SIPA1L3: variants seen among roughly 807,000 people sequenced by gnomAD.
SIPA1L3 encodes signal-induced proliferation-associated 1-like protein 3.
SIPA1L3 carries 59 observed loss-of-function variants against 150.1 expected under a neutral mutation model. That is an observed-to-expected ratio of 0.39 (90% confidence interval 0.32 to 0.49). The LOEUF (loss-of-function observed/expected upper bound fraction) is 0.49, where lower values mean the gene tolerates loss of function less well. Among genes scored for constraint, SIPA1L3 ranks in the 20% least tolerant of loss-of-function variants. The pLI, the probability that SIPA1L3 is intolerant of heterozygous loss-of-function variation, is 0.86. For synonymous variants in SIPA1L3, 1,070 were observed against 1,077.6 expected, an observed-to-expected ratio of 0.99 and a Z score of 0.14; for missense variants, 2,211 against 2,489.5, an observed-to-expected ratio of 0.89 and a Z score of 2.38.
intron 2 of SIPA1L3, among the ~76,000 whole-genome samples, chr19:38,040,719 T>C (rs1968898431): frequency 6.6e-6 from 1 of 152,234 alleles, no homozygotes; most frequent in African/African-American, 2.4e-5. Flanking sequence ...TCAACTGAAG[T>C]ATTTTGTTTA....
chr19:38,100,867 G>T lies in SIPA1L3; in HGVS notation c.1855-185G>T, dbSNP rs3810356. The stretch of plus-strand genomic sequence containing the variant: ...TTGTGCTTCTCTGGAGTGGAAGGGA[G>T]GGGGAGGGACAACTGGGACATGCTG... On this transcript the variant is annotated intron_variant, in intron 5 of 21. Transcript: ENST00000222345. Among the ~76,000 whole-genome samples the T allele has an allele frequency of 0.15, 23,334 of 152,210 alleles. 1,883 individuals carry two copies. Among genetic ancestry groups the T allele is most frequent in the African/African-American group, 0.19 (8,033 of 41,540 alleles).
chr19:38,023,878 C>T (rs1968437133), intron 1 of SIPA1L3, among the ~76,000 whole-genome samples: 1 of 152,230 alleles, frequency 6.6e-6, no homozygotes, highest in South Asian at 2.1e-4. Context: ...AGAGAACCTC[C>T]TGCCGTCTTG....
chr19:38,124,328 C>T (rs939305421), intron 9 of SIPA1L3, among the ~76,000 whole-genome samples: 9 of 123,188 alleles, frequency 7.3e-5, no homozygotes, highest in South Asian at 2.8e-4. Context: ...CAGACGGGGT[C>T]GCGGCCAGGC....
chr19:37,997,564 T>C (rs1460881614), intron 1 of SIPA1L3, among the ~76,000 whole-genome samples: 1 of 52,550 alleles, frequency 1.9e-5, no homozygotes, highest in Non-Finnish European at 3.2e-5. Flanking sequence ...TGAGACTGTC[T>C]CATTAAAAAA....
At chr19:38,039,109 C>T (rs1170626897) in intron 2 of SIPA1L3, among the ~76,000 whole-genome samples, 1 of 152,070 alleles carries the variant, frequency 6.6e-6, no homozygotes, top group Non-Finnish European at 1.5e-5. Flanking sequence ...TCTCGAACTC[C>T]TGAGCTCAGA....
At chr19:38,065,151 C>CA (rs562597445) in intron 2 of SIPA1L3, among the ~76,000 whole-genome samples, 98 of 152,336 alleles carry the variant, frequency 6.4e-4, no homozygotes, top group African/African-American at 2.2e-3. Context: ...GGGGTGATTA[C>CA]AGCCTCTATT....
At chr19:37,983,406 G>T (rs1967250041) in intron 1 of SIPA1L3, among the ~76,000 whole-genome samples, 1 of 152,206 alleles carries the variant, frequency 6.6e-6, no homozygotes. Flanking sequence ...CCACGGAGCA[G>T]TTGTGAAGGT....
chr19:37,939,622 T>C (rs1421676), intron 1 of SIPA1L3, among the ~76,000 whole-genome samples: 102,308 of 152,002 alleles, frequency 0.67, 35,948 homozygotes, highest in African/African-American at 0.87. Context: ...GCCCAAGCTC[T>C]AGCCATTACG....
intron 1 of SIPA1L3, among the ~76,000 whole-genome samples, chr19:37,929,161 G>A (rs1288074617): frequency 6.6e-6 from 1 of 152,196 alleles, no homozygotes; most frequent in Admixed American, 6.5e-5. Context: ...CCAGCCAAGG[G>A]CCAATTAGGA....
At chr19:37,979,506 G>C (rs1568487178) in intron 1 of SIPA1L3, among the ~76,000 whole-genome samples, 1 of 151,454 alleles carries the variant, frequency 6.6e-6, no homozygotes, top group South Asian at 2.1e-4. Flanking sequence ...GCAGTGAGCC[G>C]AGATCGTGCC....
intron 6 of SIPA1L3, among the ~76,000 whole-genome samples, chr19:38,102,026 AT>A (rs1298938713): frequency 2.0e-5 from 3 of 147,348 alleles, no homozygotes; most frequent in Non-Finnish European, 4.5e-5. Context: ...TTACATAACA[AT>A]TTTTTTCTTT....
intron 13 of SIPA1L3, among the ~76,000 whole-genome samples, chr19:38,161,063 G>T (rs1972072805): frequency 6.6e-6 from 1 of 152,122 alleles, no homozygotes; most frequent in Non-Finnish European, 1.5e-5. Flanking sequence ...AAAGTTGTGG[G>T]CCGGGCACGG....
chr19:38,076,819 C>A (rs905171317), intron 2 of SIPA1L3, among the ~76,000 whole-genome samples: 2 of 152,206 alleles, frequency 1.3e-5, no homozygotes, highest in African/African-American at 4.8e-5. Context: ...AAAGGAAATT[C>A]ATGAAGCTGT....
At position 38,193,630 on chromosome 19, in the gene SIPA1L3, G is replaced by A; in HGVS notation, c.4690G>A (p.Glu1564Lys). The change falls in exon 18 of 22, where the codon GAG becomes AAG. Residue 1564 changes from glutamate (E) to lysine (K), a missense_variant. This residue lies in a region of SIPA1L3 where 806 missense variants were observed against 870.1 expected (regional missense o/e 0.93). Coordinates refer to ENST00000222345, the MANE Select transcript of SIPA1L3 (RefSeq NM_015073.3). ...CAGCTTCGCCAGCCCCGCTGGCCTA[G>A]AGCCAGGGCTGCCCAGCGACGTGCT... ...EPSFASPAGL[E>K]PGLPSDVLFT... The A allele has an allele frequency of 6.3e-7, 1 of 1,577,544 alleles. No individual in the cohort carries two copies. The highest frequency in any genetic ancestry group is 1.4e-5 in the African/African-American group (1 of 73,372).
intron 1 of SIPA1L3, among the ~76,000 whole-genome samples, chr19:37,926,690 T>C (rs1460298913): frequency 6.6e-6 from 1 of 152,128 alleles, no homozygotes; most frequent in African/African-American, 2.4e-5. Context: ...GCCTCGGTCC[T>C]GTGGGAGCGG....
At chr19:38,093,301 G>A (rs1970302129) in intron 4 of SIPA1L3, among the ~76,000 whole-genome samples, 1 of 152,190 alleles carries the variant, frequency 6.6e-6, no homozygotes, top group Non-Finnish European at 1.5e-5. Flanking sequence ...CCAGTGCAGA[G>A]GTCCTGAGGC....
chr19:38,173,276 C>G (rs1972368170), intron 15 of SIPA1L3, among the ~76,000 whole-genome samples: 1 of 152,248 alleles, frequency 6.6e-6, no homozygotes. Context: ...CCTCCCTTCC[C>G]CGGGCTGCGG....
chr19:38,191,706 A>G (rs1318955524), intron 16 of SIPA1L3, among the ~76,000 whole-genome samples: 2 of 144,806 alleles, frequency 1.4e-5, no homozygotes, highest in Non-Finnish European at 3.0e-5. Context: ...TTGCTACTCC[A>G]GAGGCTGAGG....
At chr19:37,955,402 A>G (rs2046801721) in intron 1 of SIPA1L3, among the ~76,000 whole-genome samples, 1 of 151,940 alleles carries the variant, frequency 6.6e-6, no homozygotes, top group Non-Finnish European at 1.5e-5. Context: ...AAAAAAAAAA[A>G]AAAAGAGTAT....
Sources: allele counts gnomAD v4.1 joint callset (sites outside exome capture counted in the v4.1 genomes callset), GRCh38; gene constraint gnomAD v4.1.1; regional missense constraint gnomAD v4.1.1; transcripts MANE v1.5; gene names NCBI Gene and HGNC (gene_info 2026-07-23, HGNC 2026-07-21).